Variants in CLVS2 observed in about 807,000 individuals in gnomAD.
CLVS2 encodes clavesin-2.
In CLVS2, 19 loss-of-function variants were observed where a neutral mutation model predicts 29.0. The ratio of observed to expected loss-of-function variants is 0.66; its 90% CI spans 0.46 to 0.96. CLVS2 has a LOEUF of 0.96. Among genes scored for constraint, CLVS2 ranks in the 40% least tolerant of loss-of-function variants. The pLI, the probability that CLVS2 is intolerant of heterozygous loss-of-function variation, is 0.00. For missense variants in CLVS2, 294 were observed against 404.1 expected (o/e 0.73, Z 2.34); for synonymous variants, 161 against 151.3 (o/e 1.06, Z -0.47).
At chr6:123,032,975 T>G (rs1582655166) in intron 3 of CLVS2, among the ~76,000 whole-genome samples, 1 of 152,088 alleles carries the variant, frequency 6.6e-6, no homozygotes, top group African/African-American at 2.4e-5. Flanking sequence ...AGGTAAGAGT[T>G]TTTTGAATTA....
intron 3 of CLVS2, among the ~76,000 whole-genome samples, chr6:123,039,959 T>C (rs1775204803): frequency 6.6e-6 from 1 of 152,176 alleles, no homozygotes; most frequent in Admixed American, 6.5e-5. Context: ...ATATGCAAAG[T>C]TGATGTCATT....
intron 3 of CLVS2, among the ~76,000 whole-genome samples, chr6:123,015,023 A>C (rs1774805289): frequency 1.4e-5 from 1 of 68,994 alleles, no homozygotes; most frequent in East Asian, 1.1e-3. Flanking sequence ...TTGGCTTTGA[A>C]AGTTGAGTGA....
rs535415221 is a variant in CLVS2 at position 123,057,174 on chromosome 6, G to C, written c.896+1148G>C. Among the ~76,000 whole-genome samples, 4 of 152,142 alleles carry C rather than the reference G, an allele frequency of 2.6e-5. No individual in the cohort carries two copies. In the South Asian group the frequency reaches 8.3e-4, roughly 31 times the overall value. On this transcript the variant is annotated intron_variant, in intron 5 of 5. Coordinates refer to ENST00000275162, the MANE Select transcript of CLVS2 (RefSeq NM_001010852.4). ...TCACATTCACAGAAGTATGGGCACCGTAGCCCCTGCAAGTCTCCCCTCACC... is the reference window on the plus strand; with the variant it reads ...TCACATTCACAGAAGTATGGGCACCCTAGCCCCTGCAAGTCTCCCCTCACC...
chr6:123,030,717 A>G (rs1450882787), intron 3 of CLVS2, among the ~76,000 whole-genome samples: 1 of 151,702 alleles, frequency 6.6e-6, no homozygotes. Flanking sequence ...TTATGTTAAT[A>G]TAGGAGTAGC....
At chr6:123,033,882 C>G (rs146673650) in intron 3 of CLVS2, among the ~76,000 whole-genome samples, 1 of 152,064 alleles carries the variant, frequency 6.6e-6, no homozygotes, top group Non-Finnish European at 1.5e-5. Context: ...AAAAAACAAT[C>G]CAATAAGAAT....
chr6:123,000,042 A>G (rs933204460), intron 2 of CLVS2, among the ~76,000 whole-genome samples: 3 of 152,200 alleles, frequency 2.0e-5, no homozygotes, highest in African/African-American at 4.8e-5. Context: ...CTAGAAATCT[A>G]TAATGGAAAC....
chr6:123,055,507 C>T (rs1319153468), intron 4 of CLVS2, among the ~76,000 whole-genome samples: 1 of 152,118 alleles, frequency 6.6e-6, no homozygotes, highest in Admixed American at 6.5e-5. Flanking sequence ...TATTATTCTG[C>T]CCATGTCCCT....
At position 123,065,745 on chromosome 6, in the gene CLVS2, A is replaced by T. The variant is rs895094301; in HGVS notation, c.*1984A>T. 2.0e-5 allele frequency: 3 copies of T among 151,828 alleles called. No individual in the cohort carries two copies. The highest frequency in any genetic ancestry group is 7.2e-5 in the African/African-American group (3 of 41,400). 9.4% of individuals were successfully genotyped at this position (151,828 alleles called of 1,614,324 possible). On this transcript the variant is annotated 3_prime_UTR_variant, in exon 6 of 6. Coordinates refer to ENST00000275162, the MANE Select transcript of CLVS2 (RefSeq NM_001010852.4). ...GTATAATCCATTGGAATAAAATAGA[A>T]ACATTGTAAGTGCAGAGGGCAGTCA...
chr6:123,061,019 G>T (rs1029878020), intron 5 of CLVS2, among the ~76,000 whole-genome samples: 1 of 152,136 alleles, frequency 6.6e-6, no homozygotes, highest in African/African-American at 2.4e-5. Context: ...CCCTGAGATG[G>T]GCTGGGCACA....
chr6:123,018,390 G>T (rs572047767), intron 3 of CLVS2, among the ~76,000 whole-genome samples: 77 of 151,916 alleles, frequency 5.1e-4, no homozygotes, highest in African/African-American at 1.8e-3. Context: ...AATGGCATCG[G>T]TTTTTTCTGT....
At chr6:123,013,253 A>G (rs912708899) in intron 3 of CLVS2, among the ~76,000 whole-genome samples, 3 of 152,036 alleles carry the variant, frequency 2.0e-5, no homozygotes, top group Admixed American at 2.0e-4. Flanking sequence ...TTCAATATCA[A>G]AATAAGACCA....
chr6:123,071,990 T>G lies in CLVS2; in HGVS notation c.*8229T>G, dbSNP rs1772956704. The G allele has an allele frequency of 6.6e-6, 1 of 152,088 alleles. No homozygotes were observed. The highest frequency in any genetic ancestry group is 1.5e-5 in the Non-Finnish European group (1 of 67,968). The allele number at this position is 152,088 out of a possible 1,614,324, so 9.4% of individuals were successfully genotyped here. ...CCTTACAGTCACAATTGTTCTTAAC[T>G]ATCCCAAATTTTTATTTCCTATTTG... On this transcript the variant is annotated 3_prime_UTR_variant, in exon 6 of 6. Coordinates refer to ENST00000275162, the MANE Select transcript of CLVS2 (RefSeq NM_001010852.4).
At chr6:123,005,423 G>T (rs1774653260) in intron 2 of CLVS2, among the ~76,000 whole-genome samples, 1 of 152,148 alleles carries the variant, frequency 6.6e-6, no homozygotes, top group Non-Finnish European at 1.5e-5. Context: ...AAAACTGAGG[G>T]GTGGGGGAAG....
At chr6:123,042,696 G>A (rs552584193) in intron 3 of CLVS2, among the ~76,000 whole-genome samples, 85 of 152,278 alleles carry the variant, frequency 5.6e-4, no homozygotes, top group Non-Finnish European at 2.2e-4. Flanking sequence ...TGGTTGGAAT[G>A]TTTTGGTAAA....
chr6:123,059,961 C>T (rs1772751589), intron 5 of CLVS2, among the ~76,000 whole-genome samples: 1 of 152,094 alleles, frequency 6.6e-6, no homozygotes, highest in Non-Finnish European at 1.5e-5. Context: ...CGTTTGGTAT[C>T]ATATGAAACA....
chr6:123,006,240 G>A (rs1332904987), intron 2 of CLVS2, among the ~76,000 whole-genome samples: 2 of 152,204 alleles, frequency 1.3e-5, no homozygotes, highest in Non-Finnish European at 2.9e-5. Context: ...TGAACATAAA[G>A]CATCGGAGTG....
At chr6:123,007,776 A>G (rs973718250) in intron 2 of CLVS2, among the ~76,000 whole-genome samples, 2 of 152,202 alleles carry the variant, frequency 1.3e-5, no homozygotes, top group Non-Finnish European at 2.9e-5. Context: ...GAGAAGCACA[A>G]TCAGGAGTCA....
intron 5 of CLVS2, among the ~76,000 whole-genome samples, chr6:123,056,989 A>G (rs9388176): frequency 0.75 from 113,583 of 152,092 alleles, 42,746 homozygotes; most frequent in East Asian, 0.88. Context: ...TCTTTCAATC[A>G]ATAGTCTGGG....
rs1253792510 is a variant in CLVS2, at chr6:122,996,757, C to T, written c.-560+11C>T. ...CCTCTGGGTTTGCTGGTAGGAGCGG[C>T]TGCTCTTTCTTCTTTCTTGCTTTGG... is the stretch of plus-strand genomic sequence containing the variant. On this transcript the variant is annotated intron_variant, in intron 1 of 5. Transcript: ENST00000275162. The T allele has an allele frequency of 6.0e-6, 1 of 166,664 alleles. No homozygotes were observed. Among genetic ancestry groups the T allele is most frequent in the Non-Finnish European group, 1.5e-5 (1 of 68,256 alleles). 10.3% of individuals were successfully genotyped at this position (166,664 alleles called of 1,614,324 possible).
Sources: gnomAD v4.1 joint callset for allele counts (sites outside exome capture counted in the v4.1 genomes callset) on GRCh38, gnomAD v4.1.1 for gene constraint, MANE v1.5 for transcripts, NCBI Gene and HGNC (gene_info 2026-07-23, HGNC 2026-07-21) for gene names.